RBFOX3: variants seen among roughly 807,000 people sequenced by gnomAD.
RBFOX3 encodes the protein RNA binding fox-1 homolog 3.
A neutral mutation model predicts 48.7 loss-of-function variants in RBFOX3; 17 were observed. The observed-to-expected ratio is 0.35, with a 90% CI of 0.24 to 0.52. The LOEUF is 0.52. Among genes scored for constraint, RBFOX3 ranks in the 20% least tolerant of loss-of-function variants. The pLI, the probability that RBFOX3 is intolerant of heterozygous loss-of-function variation, is 0.94. For synonymous variants in RBFOX3, 212 were observed against 209.5 expected (o/e 1.01, Z -0.10); for missense variants, 382 against 497.5 (o/e 0.77, Z 2.21).
At chr17:79,147,280 C>G (rs1023139239) in intron 4 of RBFOX3, among the ~76,000 whole-genome samples, 1 of 152,256 alleles carries the variant, frequency 6.6e-6, no homozygotes, top group African/African-American at 2.4e-5. Context: ...CCCACCTCTG[C>G]AGGTGGCCGG....
intron 3 of RBFOX3, among the ~76,000 whole-genome samples, chr17:79,240,549 T>C (rs578080189): frequency 1.3e-5 from 2 of 152,262 alleles, no homozygotes; most frequent in African/African-American, 4.8e-5. Flanking sequence ...GCACTGAATA[T>C]ACATCATTGA....
intron 4 of RBFOX3, among the ~76,000 whole-genome samples, chr17:79,190,352 G>A (rs1416048131): frequency 1.3e-5 from 2 of 150,892 alleles, no homozygotes; most frequent in Non-Finnish European, 2.9e-5. Context: ...CGGAGGATGC[G>A]GTGAGCCGTG....
At chr17:79,504,231 G>C (rs1239016241) in intron 1 of RBFOX3, among the ~76,000 whole-genome samples, 2 of 152,192 alleles carry the variant, frequency 1.3e-5, no homozygotes, top group Non-Finnish European at 2.9e-5. Flanking sequence ...GGCATAGCAG[G>C]AGCCGCCGTA....
At chr17:79,380,947 T>C (rs1376192424) in intron 2 of RBFOX3, among the ~76,000 whole-genome samples, 2 of 152,202 alleles carry the variant, frequency 1.3e-5, no homozygotes, top group South Asian at 2.1e-4. Flanking sequence ...TAATTTTATA[T>C]TTCCCAGTAG....
intron 2 of RBFOX3, among the ~76,000 whole-genome samples, chr17:79,375,358 G>GACACCC: frequency 7.3e-6 from 1 of 136,186 alleles, no homozygotes; most frequent in Non-Finnish European, 1.6e-5. Context: ...GAAGACAGAA[G>GACACCC]ACACACACAC....
intron 4 of RBFOX3, among the ~76,000 whole-genome samples, chr17:79,159,699 C>T (rs1476636836): frequency 6.6e-6 from 1 of 152,118 alleles, no homozygotes. Context: ...CTGGGGGACA[C>T]ACACACAGAG....
intron 2 of RBFOX3, among the ~76,000 whole-genome samples, chr17:79,412,679 ATGTGTATATG>A (rs2064637252): frequency 6.6e-6 from 1 of 150,632 alleles, no homozygotes; most frequent in Non-Finnish European, 1.5e-5. Flanking sequence ...TGTATGGTAT[ATGTGTATATG>A]TGTGTATGCA....
intron 1 of RBFOX3, among the ~76,000 whole-genome samples, chr17:79,485,756 C>A (rs1255235488): frequency 3.3e-5 from 5 of 152,236 alleles, no homozygotes; most frequent in African/African-American, 1.2e-4. Context: ...CAGGGATCAG[C>A]CTCAGGGCAG....
At chr17:79,209,996 C>CAAAA (rs11452185) in intron 4 of RBFOX3, among the ~76,000 whole-genome samples, 3 of 132,928 alleles carry the variant, frequency 2.3e-5, no homozygotes, top group African/African-American at 5.7e-5. Flanking sequence ...GACTCCATCT[C>CAAAA]AAAAAAAAAA....
the RBFOX3 span, among the ~76,000 whole-genome samples, chr17:79,651,256 G>A: frequency 6.6e-6 from 1 of 152,180 alleles, no homozygotes; most frequent in Non-Finnish European, 1.5e-5. Context: ...GCTTCTGGAG[G>A]AACCTAGATA....
intron 1 of RBFOX3, among the ~76,000 whole-genome samples, chr17:79,513,518 A>G (rs1229287269): frequency 6.6e-6 from 1 of 152,000 alleles, no homozygotes; most frequent in East Asian, 1.9e-4. Context: ...CCATACCCCC[A>G]TCCTCCTGTG....
intron 1 of RBFOX3, among the ~76,000 whole-genome samples, chr17:79,512,192 A>G (rs1315251096): frequency 9.3e-4 from 92 of 99,076 alleles, no homozygotes; most frequent in African/African-American, 1.2e-3. Context: ...TTACCATCGG[A>G]TATAGCCCCA....
At chr17:79,513,229 A>G (rs1225601802) in intron 1 of RBFOX3, among the ~76,000 whole-genome samples, 9 of 148,972 alleles carry the variant, frequency 6.0e-5, no homozygotes, top group South Asian at 4.4e-4. Context: ...ACCTGGATAC[A>G]TGTTACCATC....
At chr17:79,602,664 G>GT (rs1191293240) in intron 1 of RBFOX3, among the ~76,000 whole-genome samples, 7,718 of 150,106 alleles carry the variant, frequency 0.051, 274 homozygotes, top group Non-Finnish European at 0.079. Flanking sequence ...CACACACTTT[G>GT]TTTTTTTTTT....
chr17:79,171,562 C>T (rs1233430453), intron 4 of RBFOX3, among the ~76,000 whole-genome samples: 2 of 152,164 alleles, frequency 1.3e-5, no homozygotes, highest in Non-Finnish European at 2.9e-5. Context: ...GTTCCACAGA[C>T]CCCTGCACTA....
intron 4 of RBFOX3, among the ~76,000 whole-genome samples, chr17:79,121,921 GC>G (rs2035846316): frequency 6.6e-6 from 1 of 152,054 alleles, no homozygotes; most frequent in Non-Finnish European, 1.5e-5. Flanking sequence ...AATCCCAGCT[GC>G]CCCTTGCAGT....
At chr17:79,096,181 G>A (rs1279326060) in intron 12 of RBFOX3, among the ~76,000 whole-genome samples, 1 of 152,210 alleles carries the variant, frequency 6.6e-6, no homozygotes, top group African/African-American at 2.4e-5. Context: ...CTGAGACAGA[G>A]GAAGCAGCAC....
At chr17:79,663,488 G>T in the RBFOX3 span, among the ~76,000 whole-genome samples, 1 of 152,158 alleles carries the variant, frequency 6.6e-6, no homozygotes, top group African/African-American at 2.4e-5. Flanking sequence ...CCTTGCCAAG[G>T]ACTTCTGAGA....
intron 1 of RBFOX3, among the ~76,000 whole-genome samples, chr17:79,609,391 G>A (rs1436231042): frequency 6.6e-6 from 1 of 152,074 alleles, no homozygotes; most frequent in Non-Finnish European, 1.5e-5. Context: ...CCCGAGAAGC[G>A]ACTTCACCAC....
Sources: allele counts gnomAD v4.1 joint callset (sites outside exome capture counted in the v4.1 genomes callset), GRCh38; gene constraint gnomAD v4.1.1; transcripts MANE v1.5; gene names NCBI Gene and HGNC (gene_info 2026-07-23, HGNC 2026-07-21).